Variants in SHANK2 observed in about 807,000 individuals in gnomAD.
SHANK2 encodes the protein SH3 and multiple ankyrin repeat domains protein 2.
In SHANK2, 43 loss-of-function variants were observed where a neutral mutation model predicts 133.7. The ratio of observed to expected loss-of-function variants is 0.32; its 90% CI spans 0.25 to 0.41. The LOEUF is 0.41. Among genes scored for constraint, SHANK2 ranks in the 10% least tolerant of loss-of-function variants. The pLI is 1.00. For missense variants in SHANK2, 1,994 were observed against 2,235.8 expected (o/e 0.89, Z 2.18); for synonymous variants, 1,017 against 952.8 (o/e 1.07, Z -1.24).
At chr11:70,607,230 T>C (rs1554992737) in intron 17 of SHANK2, among the ~76,000 whole-genome samples, 1 of 152,130 alleles carries the variant, frequency 6.6e-6, no homozygotes, top group African/African-American at 2.4e-5. Context: ...ATTGCCCAGG[T>C]CACGTACCCT....
At chr11:70,477,102 C>T (rs559844313) in intron 25 of SHANK2, among the ~76,000 whole-genome samples, 22 of 152,222 alleles carry the variant, frequency 1.4e-4, no homozygotes, top group African/African-American at 4.1e-4. Context: ...AGCGGGAGCG[C>T]GAGAGTGGCA....
intron 1 of SHANK2, among the ~76,000 whole-genome samples, chr11:71,249,707 C>G (rs530541317): frequency 6.6e-6 from 1 of 152,234 alleles, no homozygotes; most frequent in Non-Finnish European, 1.5e-5. Flanking sequence ...AGAACTCTCT[C>G]GTCTGCAACT....
chr11:70,485,165 G>C lies in SHANK2; in HGVS notation c.4979+149C>G. The stretch of plus-strand genomic sequence containing the variant: ...CCGGAGTCCAGGAGCATGAGAAAAA[G>C]AAGTGTTACTGCATTAACAGACGTG... On this transcript the variant is annotated intron_variant, in intron 25 of 25. Coordinates refer to ENST00000601538, the MANE Select transcript of SHANK2 (RefSeq NM_012309.5). This position sits in a 1 kb window ranked among gnomAD's most constrained non-coding sequence, Gnocchi z 5.8. 1.5e-6 allele frequency: 1 copy of C among 674,914 alleles called. No individual in the cohort carries two copies. The highest frequency in any genetic ancestry group is 2.6e-6 in the Non-Finnish European group (1 of 380,610). The allele number at this position is 674,914 out of a possible 1,614,324, so 41.8% of individuals were successfully genotyped here.
At chr11:70,704,018 G>C (rs782048074) in intron 14 of SHANK2, among the ~76,000 whole-genome samples, 1 of 152,236 alleles carries the variant, frequency 6.6e-6, no homozygotes, top group Non-Finnish European at 1.5e-5. Flanking sequence ...CCACAGCGGG[G>C]ACAATGCCGC....
chr11:70,688,632 C>G (rs563395642), intron 15 of SHANK2, among the ~76,000 whole-genome samples: 3 of 152,336 alleles, frequency 2.0e-5, no homozygotes, highest in African/African-American at 7.2e-5. Context: ...GGCAGAATCA[C>G]AAATGCTCAT....
chr11:70,622,580 C>T (rs1554998269), intron 17 of SHANK2, among the ~76,000 whole-genome samples: 2 of 152,336 alleles, frequency 1.3e-5, no homozygotes, highest in South Asian at 2.1e-4. Flanking sequence ...CCAGGGGCTG[C>T]GGCCACCCTG....
At chr11:71,090,148 C>T (rs929708367) in intron 8 of SHANK2, among the ~76,000 whole-genome samples, 66 of 130,904 alleles carry the variant, frequency 5.0e-4, no homozygotes, top group African/African-American at 2.0e-3. Context: ...GTGTATCAGC[C>T]AGGGTTCTCC....
intron 14 of SHANK2, among the ~76,000 whole-genome samples, chr11:70,791,403 T>C (rs1177032336): frequency 6.6e-6 from 1 of 152,204 alleles, no homozygotes; most frequent in East Asian, 1.9e-4. Context: ...TTGCATATAA[T>C]AACAACATAG....
intron 22 of SHANK2, among the ~76,000 whole-genome samples, chr11:70,491,770 C>T (rs2058889860): frequency 6.6e-6 from 1 of 152,334 alleles, no homozygotes; most frequent in East Asian, 1.9e-4. Context: ...CTGCCCCAGG[C>T]CCTTTTCCAG....
intron 2 of SHANK2, among the ~76,000 whole-genome samples, chr11:71,168,705 A>T (rs1272217157): frequency 6.6e-6 from 1 of 152,148 alleles, no homozygotes; most frequent in Non-Finnish European, 1.5e-5. Flanking sequence ...CGCGCCTGCA[A>T]TCACAGGCAG....
chr11:70,755,337 G>T (rs371097717), intron 14 of SHANK2, among the ~76,000 whole-genome samples: 3 of 152,356 alleles, frequency 2.0e-5, no homozygotes, highest in East Asian at 3.9e-4. Flanking sequence ...CTCCCAAAGC[G>T]CTGGGATTAC....
Position 70,835,139 on chromosome 11 carries a change from C to A in SHANK2, c.1175-14457G>T, listed in dbSNP as rs1292300912. ...CTCCACGCAGCTCCAGCCTTGGCCA[C>A]AGGCTCCCTGCAGAGCCACAGCCCC... On this transcript the variant is annotated intron_variant, in intron 11 of 25. Coordinates refer to ENST00000601538, the MANE Select transcript of SHANK2 (RefSeq NM_012309.5). Among the ~76,000 whole-genome samples the A allele has an allele frequency of 2.6e-5, 4 of 152,336 alleles. No homozygotes were observed. The East Asian group carries it at 7.7e-4, about 29-fold the overall frequency.
chr11:70,508,220 G>A (rs2059158586), intron 17 of SHANK2, among the ~76,000 whole-genome samples: 1 of 152,208 alleles, frequency 6.6e-6, no homozygotes. Flanking sequence ...GTGCCCACGT[G>A]CTGCTGGGCA....
intron 1 of SHANK2, among the ~76,000 whole-genome samples, chr11:71,251,863 G>A (rs890563346): frequency 6.6e-6 from 1 of 151,726 alleles, no homozygotes; most frequent in Non-Finnish European, 1.5e-5. Flanking sequence ...TCTGCGTGCA[G>A]GGCCAGGGTG....
At chr11:70,695,167 G>A (rs1347989632) in intron 15 of SHANK2, among the ~76,000 whole-genome samples, 6 of 152,122 alleles carry the variant, frequency 3.9e-5, no homozygotes, top group South Asian at 2.1e-4. Flanking sequence ...GAGGTGGAGC[G>A]GGGAGTTTGC....
intron 11 of SHANK2, among the ~76,000 whole-genome samples, chr11:70,866,082 G>A (rs375681165): frequency 1.5e-4 from 23 of 152,246 alleles, no homozygotes; most frequent in Middle Eastern, 3.4e-3. Context: ...CACCAATTCC[G>A]CGCGCAGATG....
intron 17 of SHANK2, among the ~76,000 whole-genome samples, chr11:70,586,982 G>A (rs781849085): frequency 2.0e-5 from 3 of 151,958 alleles, no homozygotes; most frequent in Admixed American, 6.6e-5. Flanking sequence ...ATTGTTATTC[G>A]AGGTCATTCT....
intron 11 of SHANK2, among the ~76,000 whole-genome samples, chr11:70,827,638 GT>G (rs797024799): frequency 0.17 from 18,283 of 108,108 alleles, 1,556 homozygotes; most frequent in Non-Finnish European, 0.22. Flanking sequence ...GTGTGTGTGT[GT>G]TTTTTTTTTT....
Position 70,500,522 on chromosome 11 carries a change from A to C in SHANK2, c.2308+48T>G. ...ATCACAAAGGATGTTTCTGTTCCAC[A>C]GGGGGGTGATGGGCAGGGGGCTGAG... On this transcript the variant is annotated intron_variant, in intron 21 of 25. Coordinates refer to ENST00000601538, the MANE Select transcript of SHANK2 (RefSeq NM_012309.5). This position sits in a 1 kb window ranked among gnomAD's most constrained non-coding sequence, Gnocchi z 4.5. The C allele has an allele frequency of 1.3e-6, 2 of 1,587,344 alleles. No individual in the cohort carries two copies. Among genetic ancestry groups the C allele is most frequent in the East Asian group, 2.3e-5 (1 of 43,718 alleles).
Sources: allele counts gnomAD v4.1 joint callset (sites outside exome capture counted in the v4.1 genomes callset), GRCh38; gene constraint gnomAD v4.1.1; non-coding constraint Gnocchi (gnomAD v3.1); transcripts MANE v1.5; gene names NCBI Gene and HGNC (gene_info 2026-07-23, HGNC 2026-07-21).